Variants in PCDH9 observed in about 807,000 individuals in gnomAD.
PCDH9 encodes protocadherin 9, also known as protocadherin-9.
PCDH9 carries 24 observed loss-of-function variants against 70.6 expected under a neutral mutation model. The observed-to-expected ratio is 0.34, with a 90% CI of 0.25 to 0.48. PCDH9 has a LOEUF of 0.48. Ranked by LOEUF, PCDH9 falls within the 20% of genes least tolerant of loss-of-function variation. The pLI is 0.99. For synonymous variants in PCDH9, 562 were observed against 558.5 expected, an observed-to-expected ratio of 1.01 and a Z score of -0.09; for missense variants, 1,281 against 1,503.6, an observed-to-expected ratio of 0.85 and a Z score of 2.45.
At chr13:66,373,814 T>G (rs533647316) in intron 4 of PCDH9, among the ~76,000 whole-genome samples, 12 of 152,296 alleles carry the variant, frequency 7.9e-5, no homozygotes, top group Middle Eastern at 3.4e-3. Context: ...ATGAGCACAG[T>G]GTTATAGAAG....
intron 2 of PCDH9, among the ~76,000 whole-genome samples, chr13:67,038,648 C>T (rs2085053770): frequency 6.6e-6 from 1 of 152,126 alleles, no homozygotes; most frequent in Non-Finnish European, 1.5e-5. Flanking sequence ...AAACACCTAG[C>T]CAGATAATCC....
intron 2 of PCDH9, among the ~76,000 whole-genome samples, chr13:67,103,260 C>T (rs553727219): frequency 6.6e-6 from 1 of 152,138 alleles, no homozygotes; most frequent in South Asian, 2.1e-4. Context: ...ATATCAAATA[C>T]TAACATATGT....
At chr13:66,777,356 G>A (rs1594046713) in intron 3 of PCDH9, among the ~76,000 whole-genome samples, 2 of 150,152 alleles carry the variant, frequency 1.3e-5, no homozygotes, top group African/African-American at 4.9e-5. Flanking sequence ...CTACAAAATG[G>A]GAGAAAATTT....
chr13:66,953,600 C>T (rs1004761098), intron 2 of PCDH9, among the ~76,000 whole-genome samples: 5 of 152,190 alleles, frequency 3.3e-5, no homozygotes, highest in Non-Finnish European at 7.3e-5. Flanking sequence ...CTCCTGCTTT[C>T]CTGCCCTTTC....
chr13:66,481,784 C>G (rs764275157), intron 4 of PCDH9, among the ~76,000 whole-genome samples: 11 of 152,018 alleles, frequency 7.2e-5, no homozygotes, highest in Non-Finnish European at 1.3e-4. Context: ...AAATAATTGA[C>G]AATTATTTTC....
At chr13:66,403,864 A>G (rs1957232321) in intron 4 of PCDH9, among the ~76,000 whole-genome samples, 1 of 152,140 alleles carries the variant, frequency 6.6e-6, no homozygotes, top group South Asian at 2.1e-4. Context: ...TTACTTTGAG[A>G]ACTAACGGAC....
rs1293859132 is a variant in PCDH9, at chr13:66,992,335, C to T, written c.3037-88730G>A. On this transcript the variant is annotated intron_variant, in intron 2 of 4. Coordinates refer to ENST00000377865, the MANE Select transcript of PCDH9 (RefSeq NM_203487.3). ...GTACTGCCACTCTGTCAAGAACAAG[C>T]TATGGATCTAACATGATATTGGGGA... Among the ~76,000 whole-genome samples the T allele has an allele frequency of 3.3e-5, 5 of 152,116 alleles. 1 individual carries two copies. The highest frequency in any genetic ancestry group is 2.6e-4 in the Admixed American group (4 of 15,264).
intron 3 of PCDH9, among the ~76,000 whole-genome samples, chr13:66,878,940 C>T (rs540755957): frequency 1.1e-4 from 17 of 152,096 alleles, no homozygotes; most frequent in Non-Finnish European, 2.4e-4. Context: ...ATCACAACCA[C>T]AGTAAACAAT....
At chr13:67,068,009 C>T (rs923379475) in intron 2 of PCDH9, among the ~76,000 whole-genome samples, 1 of 152,026 alleles carries the variant, frequency 6.6e-6, no homozygotes, top group Non-Finnish European at 1.5e-5. Flanking sequence ...AATCAAATTC[C>T]TCTAAACATA....
In PCDH9 at chr13:66,751,348, T is replaced by C. The variant is rs559594871; in HGVS notation, c.3139-119937A>G. Reference sequence around the variant, plus strand: ...GGAGAATTGAGCAAGGGGTCTATAATGTATAAATCTAAGTTTTTTAATGTC... The same window carrying C: ...GGAGAATTGAGCAAGGGGTCTATAACGTATAAATCTAAGTTTTTTAATGTC... On this transcript the variant is annotated intron_variant, in intron 3 of 4. Transcript: ENST00000377865. 5.9e-5 allele frequency among the ~76,000 whole-genome samples: 9 copies of C among 152,116 alleles called. No individual in the cohort carries two copies. In the South Asian group the frequency reaches 1.7e-3, roughly 28 times the overall value.
intron 3 of PCDH9, among the ~76,000 whole-genome samples, chr13:66,776,243 G>A (rs866710404): frequency 3.6e-4 from 54 of 150,886 alleles, no homozygotes; most frequent in Middle Eastern, 3.4e-3. Context: ...CTCTCTCACC[G>A]CTCCTATTCA....
intron 4 of PCDH9, among the ~76,000 whole-genome samples, chr13:66,441,961 T>C (rs899065234): frequency 2.0e-5 from 3 of 152,160 alleles, no homozygotes; most frequent in East Asian, 3.8e-4. Flanking sequence ...AAATAACAAA[T>C]TGGAATTCCA....
intron 2 of PCDH9, among the ~76,000 whole-genome samples, chr13:67,085,060 T>C (rs1418647545): frequency 7.0e-6 from 1 of 143,678 alleles, no homozygotes; most frequent in African/African-American, 2.6e-5. Flanking sequence ...TGGAAGTATA[T>C]TTGCTGATTA....
chr13:66,572,001 T>G (rs929083902), intron 4 of PCDH9, among the ~76,000 whole-genome samples: 4 of 151,770 alleles, frequency 2.6e-5, no homozygotes, highest in Non-Finnish European at 4.4e-5. Flanking sequence ...TGTGTCACAA[T>G]GGAAAAAAAA....
At chr13:66,952,282 A>G (rs1310507063) in intron 2 of PCDH9, among the ~76,000 whole-genome samples, 5 of 152,154 alleles carry the variant, frequency 3.3e-5, no homozygotes, top group East Asian at 1.9e-4. Context: ...GTGATGTTCA[A>G]CCTCCTGCAT....
chr13:66,779,815 A>ATCTCTCTCTCTCTC (rs1225450927), intron 3 of PCDH9, among the ~76,000 whole-genome samples: 6 of 100,928 alleles, frequency 5.9e-5, no homozygotes, highest in African/African-American at 1.6e-4. Flanking sequence ...GCGAGACTCC[A>ATCTCTCTCTCTCTC]TCTCTCTCTC....
intron 4 of PCDH9, among the ~76,000 whole-genome samples, chr13:66,444,511 G>T (rs1417324868): frequency 2.6e-5 from 4 of 151,832 alleles, no homozygotes; most frequent in Non-Finnish European, 5.9e-5. Flanking sequence ...CCTGCAAAGA[G>T]CATTAGAGAG....
intron 4 of PCDH9, among the ~76,000 whole-genome samples, chr13:66,519,391 G>T (rs1045201976): frequency 3.9e-5 from 6 of 152,062 alleles, no homozygotes; most frequent in Admixed American, 6.6e-5. Flanking sequence ...ATAGGAAATG[G>T]GCAAAAGCTT....
chr13:66,728,660 A>C (rs1030596322), intron 3 of PCDH9, among the ~76,000 whole-genome samples: 1 of 152,116 alleles, frequency 6.6e-6, no homozygotes, highest in Non-Finnish European at 1.5e-5. Context: ...CAGACTAAGA[A>C]TGCCTTCAAA....
Sources: gnomAD v4.1 joint callset for allele counts (sites outside exome capture counted in the v4.1 genomes callset) on GRCh38, gnomAD v4.1.1 for gene constraint, MANE v1.5 for transcripts, NCBI Gene and HGNC (gene_info 2026-07-23, HGNC 2026-07-21) for gene names.